Variants in ATXN2L observed in about 807,000 individuals in gnomAD.
The protein encoded by ATXN2L is ataxin 2 like.
A neutral mutation model predicts 120.7 loss-of-function variants in ATXN2L; 24 were observed. The ratio of observed to expected loss-of-function variants is 0.20; its 90% CI spans 0.14 to 0.28. The LOEUF is 0.28. ATXN2L is among the 10% of genes least tolerant of loss of function. ATXN2L has a pLI of 1.00. For missense variants in ATXN2L, 1,312 were observed against 1,432.3 expected (o/e 0.92, Z 1.36); for synonymous variants, 653 against 568.1 (o/e 1.15, Z -2.13).
chr16:28,824,783 C>T (rs918796290), intron 1 of ATXN2L: 6 of 192,238 alleles, frequency 3.1e-5, no homozygotes, highest in Admixed American at 6.2e-5. Context: ...GCCCTAGCCC[C>T]TTTCTCGTTG....
At chr16:28,824,471 C>T (rs1267652780) in intron 1 of ATXN2L, 29 of 1,288,074 alleles carry the variant, frequency 2.3e-5, no homozygotes, top group South Asian at 3.7e-5. Flanking sequence ...GCGGCCCCCT[C>T]TTCGCCCTCA....
In ATXN2L at chr16:28,834,427, TGGGAGG is replaced by T; in HGVS notation, c.2245+15_2245+20del. 6.2e-7 allele frequency: 1 copy of T among 1,613,930 alleles called. No homozygotes were observed. Among genetic ancestry groups the T allele is most frequent in the Non-Finnish European group, 8.5e-7 (1 of 1,179,820 alleles). On this transcript the variant is annotated intron_variant, in intron 17 of 21. Coordinates refer to ENST00000336783, the MANE Select transcript of ATXN2L (RefSeq NM_007245.4). ...CCGGGGAGCAAAAGGTGAGCAGGGC[TGGGAGG>T]GGCAGGCGGCGAGGCTGCCAAGGGC...
Position 28,833,228 on chromosome 16 carries a change from C to G in ATXN2L, c.1829C>G (p.Pro610Arg). The change falls in exon 14 of 22, where the codon CCA becomes CGA. Residue 610 changes from proline (P) to arginine (R), a missense_variant. Physicochemically the swap from Pro to Arg is moderately radical, Grantham distance 103. Transcript: ENST00000336783. ...TCCGTATCGGATAAGGAGGACAAAC[C>G]ACCCCTGGCACCATCAGGAGGCACT... ...TESVSDKEDKPPLAPSGGTEG... is the reference protein window; with the variant it reads ...TESVSDKEDKRPLAPSGGTEG... 3.1e-6 allele frequency: 5 copies of G among 1,614,192 alleles called. No homozygotes were observed. The highest frequency in any genetic ancestry group is 4.2e-6 in the Non-Finnish European group (5 of 1,180,040).
chr16:28,825,295 T>C, intron 1 of ATXN2L, 71 bp from the exon 2 acceptor site: 1 of 1,418,916 alleles, frequency 7.0e-7, no homozygotes, highest in Non-Finnish European at 9.9e-7. Context: ...ACTTCTAGGA[T>C]TTAACATTAA....
In ATXN2L at chr16:28,829,892, C is replaced by G. The variant is rs759450724; in HGVS notation, c.868C>G (p.Arg290Gly). Reference sequence around the variant, plus strand: ...AGAAAAGGACAACTCAGAAGAGTTTCGTCAGCGAGAGCTGCGTGCGGCCCA... The same window carrying G: ...AGAAAAGGACAACTCAGAAGAGTTTGGTCAGCGAGAGCTGCGTGCGGCCCA... ...PLEKDNSEEF[R>G]QRELRAAQLA... The change falls in exon 8 of 22, where the codon CGT becomes GGT. Residue 290 changes from arginine (R) to glycine (G), a missense_variant. Arg to Gly is a moderately radical substitution (Grantham distance 125, BLOSUM62 -2). Transcript: ENST00000336783. 1.2e-6 allele frequency: 2 copies of G among 1,614,228 alleles called. No homozygotes were observed. Among genetic ancestry groups the G allele is most frequent in the Non-Finnish European group, 1.7e-6 (2 of 1,180,054 alleles).
chr16:28,834,765 G>T (rs1959418828), intron 18 of ATXN2L, 72 bp downstream of exon 18: 1 of 1,509,228 alleles, frequency 6.6e-7, no homozygotes, highest in Non-Finnish European at 8.9e-7. Context: ...CAGAGACTTG[G>T]GAGCTGGCTA....
intron 15 of ATXN2L, chr16:28,833,761 T>C: frequency 1.6e-6 from 1 of 607,926 alleles, no homozygotes; most frequent in South Asian, 2.0e-5. Flanking sequence ...AGGCTTTTCT[T>C]TGGTTCTTGG....
chr16:28,825,724 C>T, intron 3 of ATXN2L, 44 bp downstream of exon 3: 1 of 1,612,372 alleles, frequency 6.2e-7, no homozygotes, highest in Non-Finnish European at 8.5e-7. Flanking sequence ...GAACGTAATG[C>T]ATCTACTTTC....
In ATXN2L at chr16:28,835,419, C is replaced by T. The variant is rs1960099716; in HGVS notation, c.2685+20C>T. On this transcript the variant is annotated intron_variant, in intron 20 of 21. Transcript: ENST00000336783. Reference sequence around the variant, plus strand: ...GTCCAGGTGCCTGCCATGGGGGGTGCTGAGTGGTCCTGGTGCAGGAATGGG... The same window carrying T: ...GTCCAGGTGCCTGCCATGGGGGGTGTTGAGTGGTCCTGGTGCAGGAATGGG... The T allele has an allele frequency of 6.2e-7, 1 of 1,612,014 alleles. No individual in the cohort carries two copies.
chr16:28,835,737 C>T lies in ATXN2L; in HGVS notation c.2874C>T (p.Thr958=). The T allele has an allele frequency of 6.2e-7, 1 of 1,614,128 alleles. No individual in the cohort carries two copies. The highest frequency in any genetic ancestry group is 8.5e-7 in the Non-Finnish European group (1 of 1,180,004). The change falls in exon 21 of 22, where the codon ACC becomes ACT. Residue 958 remains threonine, a synonymous_variant. Transcript: ENST00000336783. ...IHHQQLPHGF[T]NMAHVTQAHV... ...ACCAGCAGCTGCCCCACGGCTTCAC[C>T]AACATGGCCCATGTTACCCAGGTAA...
Position 28,833,185 on chromosome 16 carries a change from G to A in ATXN2L, c.1786G>A (p.Val596Ile), listed in dbSNP as rs562015209. ...GACTTCAGAGCCCATGGGGTCTCCC[G>A]TCTCCTCCAAGACAGAGTCCGTATC... Reference protein sequence around the residue: ...LLTSEPMGSPVSSKTESVSDK... With the variant: ...LLTSEPMGSPISSKTESVSDK... Residue 596 changes from valine to isoleucine, a missense_variant, in exon 14 of 22, where the codon GTC becomes ATC. Transcript: ENST00000336783. 12 of 1,614,188 alleles carry A rather than the reference G, an allele frequency of 7.4e-6. No individual in the cohort carries two copies. The highest frequency in any genetic ancestry group is 6.7e-5 in the African/African-American group (5 of 75,056).
chr16:28,824,416 C>G (rs749642458), intron 1 of ATXN2L: 2 of 1,281,440 alleles, frequency 1.6e-6, no homozygotes, highest in South Asian at 2.5e-5. Context: ...GGCGAGGCCT[C>G]CCGGTGGATG....
intron 1 of ATXN2L, chr16:28,823,887 C>T (rs1024486321): frequency 3.5e-6 from 1 of 288,878 alleles, no homozygotes; most frequent in Non-Finnish European, 6.2e-6. Flanking sequence ...GTCCCCGGTT[C>T]CATTACCACG....
At chr16:28,830,252 A>G (rs1364234143) in intron 8 of ATXN2L, among the ~76,000 whole-genome samples, 194 bp downstream of exon 8, 1 of 152,236 alleles carries the variant, frequency 6.6e-6, no homozygotes, top group Non-Finnish European at 1.5e-5. Flanking sequence ...GATCTAAAAA[A>G]AAAAAATTCA....
intron 17 of ATXN2L, 32 bp downstream of exon 17, chr16:28,834,447 G>A (rs982029964): frequency 6.2e-7 from 1 of 1,613,326 alleles, no homozygotes; most frequent in African/African-American, 1.3e-5. Context: ...AGGCGGCGAG[G>A]CTGCCAAGGG....
chr16:28,825,919 T>A (rs982159478), intron 4 of ATXN2L, 78 bp downstream of exon 4: 1 of 1,342,270 alleles, frequency 7.5e-7, no homozygotes, highest in African/African-American at 1.4e-5. Context: ...AAGGTGTCAA[T>A]TGGGTGATGT....
Position 28,835,040 on chromosome 16 carries a change from C to T in ATXN2L, c.2434-18C>T. 6.2e-7 allele frequency: 1 copy of T among 1,602,520 alleles called. No individual in the cohort carries two copies. Among genetic ancestry groups the T allele is most frequent in the Non-Finnish European group, 8.5e-7 (1 of 1,173,836 alleles). The stretch of plus-strand genomic sequence containing the variant: ...CAGCTGGCGGCTGTGCCAACCACTC[C>T]TCTCTCTGTCCCGCCAGCCGGTGTT... On this transcript the variant is annotated intron_variant, in intron 18 of 21. Transcript: ENST00000336783.
intron 15 of ATXN2L, 92 bp downstream of exon 15, chr16:28,833,600 C>A: frequency 7.7e-7 from 1 of 1,297,316 alleles, no homozygotes; most frequent in Non-Finnish European, 1.1e-6. Flanking sequence ...ACTTCACTTC[C>A]AGGACCACTT....
At chr16:28,833,946 A>C in intron 15 of ATXN2L, 119 bp from the exon 16 acceptor site, 1 of 1,173,198 alleles carries the variant, frequency 8.5e-7, no homozygotes, top group East Asian at 2.4e-5. Flanking sequence ...CTTTATCAAG[A>C]TAAGTGCAGA....
Sources: allele counts gnomAD v4.1 joint callset (sites outside exome capture counted in the v4.1 genomes callset), GRCh38; gene constraint gnomAD v4.1.1; transcripts MANE v1.5; gene names NCBI Gene and HGNC (gene_info 2026-07-23, HGNC 2026-07-21).